The following FRMD6 variants were observed in gnomAD, a reference collection of about 807,000 sequenced individuals.
FRMD6 encodes FERM domain containing 6.
In FRMD6, 37 loss-of-function variants were observed where a neutral mutation model predicts 73.2. The ratio of observed to expected loss-of-function variants is 0.51; its 90% confidence interval spans 0.39 to 0.66. The LOEUF is 0.66. Among genes scored for constraint, FRMD6 ranks in the 30% least tolerant of loss-of-function variants. The pLI is 0.00. For synonymous variants in FRMD6, 273 were observed against 282.2 expected (o/e 0.97, Z 0.33); for missense variants, 714 against 780.5 (o/e 0.91, Z 1.02).
chr14:51,628,835 A>C, intron 2 of FRMD6, among the ~76,000 whole-genome samples: 1 of 141,938 alleles, frequency 7.0e-6, no homozygotes, highest in Non-Finnish European at 1.5e-5. Flanking sequence ...GGCAACATAC[A>C]CATACACTAT....
chr14:51,413,466 G>A, the FRMD6 span, among the ~76,000 whole-genome samples: 1 of 152,082 alleles, frequency 6.6e-6, no homozygotes, highest in South Asian at 2.1e-4. Flanking sequence ...ATCTTCATCC[G>A]TGTCCCTGCA....
chr14:51,697,126 A>G (rs1896000380), intron 2 of FRMD6, among the ~76,000 whole-genome samples: 1 of 152,178 alleles, frequency 6.6e-6, no homozygotes, highest in African/African-American at 2.4e-5. Flanking sequence ...AATATTAAAC[A>G]TAGTACTACC....
At chr14:51,530,430 TA>T (rs1453392350) in intron 1 of FRMD6, among the ~76,000 whole-genome samples, 1 of 152,226 alleles carries the variant, frequency 6.6e-6, no homozygotes, top group Non-Finnish European at 1.5e-5. Context: ...AGATTAAATG[TA>T]AAAGTGTGTT....
intron 1 of FRMD6, among the ~76,000 whole-genome samples, chr14:51,538,163 T>A (rs908410047): frequency 3.3e-5 from 5 of 152,186 alleles, no homozygotes; most frequent in African/African-American, 1.2e-4. Flanking sequence ...TTATGATCCA[T>A]CTCGAGTTAA....
At position 51,716,599 on chromosome 14, in the gene FRMD6, A is replaced by G. The variant is rs115707608; in HGVS notation, c.1024+1100A>G. On this transcript the variant is annotated intron_variant, in intron 10 of 13. Transcript: ENST00000344768. The stretch of plus-strand genomic sequence containing the variant: ...GATTTCTCTCAAAAATTCTCTGTCA[A>G]TCCAAATGAGACCCGGTTTGGCAAT... 3.3e-3 allele frequency among the ~76,000 whole-genome samples: 497 copies of G among 152,292 alleles called. 1 individual carries two copies. Among genetic ancestry groups the G allele is most frequent in the African/African-American group, 0.011 (470 of 41,554 alleles).
chr14:51,513,404 G>A (rs1267779398), intron 1 of FRMD6, among the ~76,000 whole-genome samples: 1 of 152,202 alleles, frequency 6.6e-6, no homozygotes, highest in Non-Finnish European at 1.5e-5. Flanking sequence ...CTGAGGAACA[G>A]ATTCCTTTGC....
intron 2 of FRMD6, among the ~76,000 whole-genome samples, chr14:51,643,894 T>C (rs770006510): frequency 2.6e-5 from 4 of 152,236 alleles, no homozygotes; most frequent in Non-Finnish European, 5.9e-5. Flanking sequence ...ATAACCACTC[T>C]AGTAAAATCC....
In FRMD6 at chr14:51,704,917, G is replaced by A; in HGVS notation, c.540G>A (p.Glu180=). ...NKHYGKYFEP[E]AYFPSWVVSK... ...ACTATGGAAAATACTTCGAGCCAGA[G>A]GCTTACTTCCCATCTTGGGTAAGCA... Residue 180 remains glutamate, a synonymous_variant, in exon 6 of 14, where the codon GAG becomes GAA. Coordinates refer to ENST00000344768, the MANE Select transcript of FRMD6 (RefSeq NM_001267046.2). The A allele has an allele frequency of 6.2e-7, 1 of 1,607,284 alleles. No individual in the cohort carries two copies.
At chr14:51,692,790 T>C (rs1456017613) in intron 2 of FRMD6, 2 of 152,174 alleles carry the variant, frequency 1.3e-5, no homozygotes, top group African/African-American at 4.8e-5. Context: ...CCTGATCTCA[T>C]GTGATCTCAA....
chr14:51,428,248 AC>A, the FRMD6 span, among the ~76,000 whole-genome samples: 39 of 152,280 alleles, frequency 2.6e-4, no homozygotes, highest in African/African-American at 8.9e-4. Flanking sequence ...GGGAGCCAAT[AC>A]AAACTATCAG....
chr14:51,645,345 T>C (rs962415877), intron 2 of FRMD6, among the ~76,000 whole-genome samples: 1 of 152,188 alleles, frequency 6.6e-6, no homozygotes, highest in East Asian at 1.9e-4. Context: ...CCAACCACCA[T>C]GGACAGGTAG....
chr14:51,598,461 A>G (rs997410080), intron 2 of FRMD6, among the ~76,000 whole-genome samples: 4 of 152,166 alleles, frequency 2.6e-5, no homozygotes, highest in Non-Finnish European at 5.9e-5. Context: ...TTTGTTAAGT[A>G]GGCATATTGT....
chr14:51,555,498 C>T (rs909901420), intron 1 of FRMD6, among the ~76,000 whole-genome samples: 2 of 151,960 alleles, frequency 1.3e-5, no homozygotes, highest in Non-Finnish European at 2.9e-5. Context: ...GTAGTCTGCT[C>T]CTGGTTAAAA....
chr14:51,687,358 T>G (rs2140341523), intron 1 of FRMD6, among the ~76,000 whole-genome samples: 1 of 152,322 alleles, frequency 6.6e-6, no homozygotes, highest in African/African-American at 2.4e-5. Context: ...GAATTTAAGA[T>G]GCATTTAATC....
chr14:51,412,213 T>G, the FRMD6 span, among the ~76,000 whole-genome samples: 1 of 152,350 alleles, frequency 6.6e-6, no homozygotes, highest in Non-Finnish European at 1.5e-5. Flanking sequence ...TGATATATCT[T>G]TAGTCATCCT....
chr14:51,421,595 AG>A, the FRMD6 span, among the ~76,000 whole-genome samples: 13 of 152,298 alleles, frequency 8.5e-5, no homozygotes, highest in African/African-American at 2.4e-4. Context: ...GTATAGCAAA[AG>A]AACCGTAAGA....
chr14:51,607,338 C>T (rs1403761917), intron 2 of FRMD6, among the ~76,000 whole-genome samples: 3 of 152,038 alleles, frequency 2.0e-5, no homozygotes, highest in Non-Finnish European at 2.9e-5. Flanking sequence ...TATTTGGTAC[C>T]TTAGGGTGGA....
upstream of FRMD6, chr14:51,649,637 C>A (rs1020716682): frequency 2.6e-4 from 40 of 152,214 alleles, 1 homozygote; most frequent in African/African-American, 8.9e-4. Flanking sequence ...AATATGCACT[C>A]ATTCTGATGC....
chr14:51,718,366 A>G (rs1261364580), intron 10 of FRMD6, among the ~76,000 whole-genome samples: 1 of 152,242 alleles, frequency 6.6e-6, no homozygotes, highest in African/African-American at 2.4e-5. Context: ...GGAAGTTGAG[A>G]GTAAAAAGGC....
Sources: gnomAD v4.1 joint callset for allele counts (sites outside exome capture counted in the v4.1 genomes callset) on GRCh38, gnomAD v4.1.1 for gene constraint, MANE v1.5 for transcripts, NCBI Gene and HGNC (gene_info 2026-07-23, HGNC 2026-07-21) for gene names.